MERTK: variants seen among roughly 807,000 people sequenced by gnomAD.
MERTK encodes tyrosine-protein kinase Mer.
MERTK carries 69 observed loss-of-function variants against 99.3 expected under a neutral mutation model. The observed-to-expected ratio is 0.70, with a 90% CI of 0.57 to 0.85. MERTK has a LOEUF of 0.85. Ranked by LOEUF, MERTK falls within the 40% of genes least tolerant of loss-of-function variation. The probability of loss-of-function intolerance (pLI) is 0.00; values close to 1 mark genes in which losing one functional copy is unlikely to be tolerated. For missense variants in MERTK, 1,125 were observed against 1,249.4 expected (o/e 0.90, Z 1.50); for synonymous variants, 426 against 467.6 (o/e 0.91, Z 1.15).
chr2:111,964,368 CGTGTGTGTGTGT>C (rs200168355), intron 4 of MERTK, among the ~76,000 whole-genome samples: 33,754 of 141,178 alleles, frequency 0.24, 4,096 homozygotes, highest in South Asian at 0.33. Flanking sequence ...ATCATTGTCT[CGTGTGTGTGTGT>C]GTGTGTGTGT....
chr2:111,933,976 G>T (rs1684721442), intron 2 of MERTK, among the ~76,000 whole-genome samples: 1 of 150,080 alleles, frequency 6.7e-6, no homozygotes, highest in African/African-American at 2.5e-5. Context: ...TGCAATATTT[G>T]GTTTTCTGTT....
At position 111,960,923 on chromosome 2, in the gene MERTK, T is replaced by G. The variant is rs138606236; in HGVS notation, c.758-4268T>G. On this transcript the variant is annotated intron_variant, in intron 4 of 18. Transcript: ENST00000295408. ...TATATTTTTCAAAATTCTCTAGGAG[T>G]AATACAAGCAGAAGATATAAAGACC... Among the ~76,000 whole-genome samples, 978 of 151,296 alleles carry G rather than the reference T, an allele frequency of 6.5e-3. 13 individuals are homozygous for G. Among genetic ancestry groups the G allele is most frequent in the African/African-American group, 0.023 (942 of 41,178 alleles).
chr2:111,986,672 T>G (rs911693021), intron 8 of MERTK, among the ~76,000 whole-genome samples: 1 of 152,220 alleles, frequency 6.6e-6, no homozygotes, highest in Non-Finnish European at 1.5e-5. Flanking sequence ...CTCATTGCCC[T>G]TTGTTCAGAA....
At chr2:111,944,559 A>G (rs947643331) in intron 2 of MERTK, among the ~76,000 whole-genome samples, 13 of 152,086 alleles carry the variant, frequency 8.5e-5, no homozygotes, top group African/African-American at 3.1e-4. Flanking sequence ...GGGCTGACAA[A>G]TATGGAATCA....
At chr2:111,945,428 G>C (rs985953974) in intron 3 of MERTK, among the ~76,000 whole-genome samples, 2 of 152,220 alleles carry the variant, frequency 1.3e-5, no homozygotes, top group Admixed American at 6.5e-5. Flanking sequence ...CACTCACCTG[G>C]TCAAGTGGCT....
chr2:111,925,299 T>G (rs1045423238), intron 1 of MERTK, among the ~76,000 whole-genome samples: 16 of 95,370 alleles, frequency 1.7e-4, no homozygotes, highest in African/African-American at 6.2e-4. Context: ...TATATTTTTT[T>G]TTTTTTTTTT....
At chr2:112,001,398 T>C (rs1676866957) in intron 11 of MERTK, 112 bp downstream of exon 11, 3 of 866,790 alleles carry the variant, frequency 3.5e-6, no homozygotes, top group Non-Finnish European at 5.8e-6. Context: ...AGAATGGATA[T>C]TTTTAATGTA....
chr2:111,899,348 C>T (rs1683996580), intron 1 of MERTK, among the ~76,000 whole-genome samples: 1 of 152,206 alleles, frequency 6.6e-6, no homozygotes, highest in South Asian at 2.1e-4. Context: ...GACGGCAGTC[C>T]TGGCTGCTCC....
At chr2:112,001,386 G>A in intron 11 of MERTK, 100 bp downstream of exon 11, 8 of 942,844 alleles carry the variant, frequency 8.5e-6, no homozygotes, top group Admixed American at 1.8e-5. Flanking sequence ...AGATGTCGAA[G>A]AAGAATGGAT....
chr2:111,966,821 A>G lies in MERTK; in HGVS notation c.845-1316A>G, dbSNP rs59172224. On this transcript the variant is annotated intron_variant, in intron 5 of 18. Transcript: ENST00000295408. ...CATTCCCAAGGCTTTGTGTGTACTA[A>G]TCAAACCCAAACTCCTAAATGTGGC... Among the ~76,000 whole-genome samples, 8 of 152,256 alleles carry G rather than the reference A, an allele frequency of 5.3e-5. No homozygotes were observed. In the East Asian group the frequency reaches 1.5e-3, roughly 29 times the overall value.
At chr2:111,910,045 AATGG>A (rs2104664815) in intron 1 of MERTK, among the ~76,000 whole-genome samples, 1 of 152,330 alleles carries the variant, frequency 6.6e-6, no homozygotes, top group East Asian at 1.9e-4. Flanking sequence ...TCAACGGATG[AATGG>A]ATAAAGAAAA....
At chr2:111,921,189 G>A (rs1246462990) in intron 1 of MERTK, among the ~76,000 whole-genome samples, 1 of 152,114 alleles carries the variant, frequency 6.6e-6, no homozygotes, top group African/African-American at 2.4e-5. Flanking sequence ...TTTTCTCCTA[G>A]AGAGGGTAGG....
intron 2 of MERTK, chr2:111,930,386 C>G (rs867705173): frequency 9.9e-4 from 151 of 152,272 alleles, no homozygotes; most frequent in African/African-American, 3.5e-3. Flanking sequence ...GGTCAAAACT[C>G]CTGCACTGTT....
chr2:111,960,251 C>A (rs1409176010), intron 4 of MERTK, among the ~76,000 whole-genome samples: 1 of 152,020 alleles, frequency 6.6e-6, no homozygotes, highest in Non-Finnish European at 1.5e-5. Flanking sequence ...GAGGCTGAGG[C>A]AGGTGGATCA....
intron 17 of MERTK, among the ~76,000 whole-genome samples, 157 bp from the exon 18 acceptor site, chr2:112,022,101 C>T (rs1013546852): frequency 5.3e-5 from 8 of 152,190 alleles, no homozygotes; most frequent in Non-Finnish European, 1.2e-4. Flanking sequence ...TCCAACCCCA[C>T]GTTATTGCCG....
At chr2:112,013,251 G>T (rs1372945401) in intron 15 of MERTK, 2 of 154,228 alleles carry the variant, frequency 1.3e-5, no homozygotes, top group East Asian at 3.9e-4. Flanking sequence ...AAATCACCGA[G>T]ACTCTTCCAA....
At chr2:111,956,439 C>G (rs968164564) in intron 4 of MERTK, among the ~76,000 whole-genome samples, 6 of 152,090 alleles carry the variant, frequency 3.9e-5, no homozygotes, top group African/African-American at 1.4e-4. Context: ...ATCTTTCAGG[C>G]TTTTCTTTTT....
At chr2:111,994,506 A>G in intron 9 of MERTK, 102 bp downstream of exon 9, 1 of 1,520,070 alleles carries the variant, frequency 6.6e-7, no homozygotes, top group Non-Finnish European at 9.1e-7. Context: ...TTAAAGAATG[A>G]AAAATAAGGC....
intron 4 of MERTK, chr2:111,952,223 C>A: frequency 6.2e-6 from 1 of 160,140 alleles, no homozygotes; most frequent in Admixed American, 6.2e-5. Context: ...TGAAAATTCT[C>A]AAGGTGGACT....
Sources: gnomAD v4.1 joint callset for allele counts (sites outside exome capture counted in the v4.1 genomes callset) on GRCh38, gnomAD v4.1.1 for gene constraint, MANE v1.5 for transcripts, NCBI Gene and HGNC (gene_info 2026-07-23, HGNC 2026-07-21) for gene names.